Variants in ASPH observed in about 807,000 individuals in gnomAD.
The protein encoded by ASPH is aspartate beta-hydroxylase, also known as aspartyl/asparaginyl beta-hydroxylase.
In ASPH, 100 loss-of-function variants were observed where a neutral mutation model predicts 118.4. That is an observed-to-expected ratio of 0.84 (90% CI 0.72 to 1.00). ASPH has a LOEUF of 1.00. ASPH is among the 50% of genes least tolerant of loss of function. The pLI is 0.00. For synonymous variants in ASPH, 315 were observed against 325.6 expected, an observed-to-expected ratio of 0.97 and a Z score of 0.35; for missense variants, 920 against 919.5, an observed-to-expected ratio of 1.00 and a Z score of -0.01.
intron 3 of ASPH, chr8:61,665,636 T>C: frequency 1.3e-6 from 2 of 1,536,666 alleles, no homozygotes; most frequent in South Asian, 2.6e-5. Context: ...AAGGAAAAAA[T>C]GTTTATTGAC....
chr8:61,621,778 T>G (rs1851014647), intron 13 of ASPH, among the ~76,000 whole-genome samples: 1 of 152,274 alleles, frequency 6.6e-6, no homozygotes, highest in South Asian at 2.1e-4. Context: ...TATATCCCAG[T>G]AATGGGGAAT....
At chr8:61,547,065 A>G (rs1472405574) in intron 21 of ASPH, among the ~76,000 whole-genome samples, 1 of 152,224 alleles carries the variant, frequency 6.6e-6, no homozygotes, top group African/African-American at 2.4e-5. Context: ...AAGATACATG[A>G]AGTTTTTACA....
chr8:61,551,778 C>A lies in ASPH; in HGVS notation c.1626+1253G>T, dbSNP rs1192482491. ...ATGTTGTAGCAAAATCTTTCTTATCCCTCTCATTCAAAGGAGTTCTGAGTG... is the reference window on the plus strand; with the variant it reads ...ATGTTGTAGCAAAATCTTTCTTATCACTCTCATTCAAAGGAGTTCTGAGTG... On this transcript the variant is annotated intron_variant, in intron 20 of 24. Transcript: ENST00000379454. Among the ~76,000 whole-genome samples the A allele has an allele frequency of 2.0e-5, 3 of 152,218 alleles. No individual in the cohort carries two copies. In the South Asian group the frequency reaches 6.2e-4, roughly 32 times the overall value.
At chr8:61,625,062 T>C in intron 13 of ASPH, 1 of 985,838 alleles carries the variant, frequency 1.0e-6, no homozygotes. Context: ...ATCTTAATGT[T>C]AACAAAATCA....
At chr8:61,696,465 A>T (rs1432140151) in intron 1 of ASPH, among the ~76,000 whole-genome samples, 2 of 152,180 alleles carry the variant, frequency 1.3e-5, no homozygotes, top group Non-Finnish European at 2.9e-5. Context: ...AGAGAATGTG[A>T]ATCAAAATAT....
At chr8:61,665,415 G>C (rs1381729622) in intron 3 of ASPH, 2 of 1,609,966 alleles carry the variant, frequency 1.2e-6, no homozygotes, top group Non-Finnish European at 1.7e-6. Context: ...CTTTTTTCTA[G>C]GTCCACTTTC....
chr8:61,637,666 A>G (rs1361243755), intron 12 of ASPH, among the ~76,000 whole-genome samples: 2 of 152,128 alleles, frequency 1.3e-5, no homozygotes, highest in Non-Finnish European at 2.9e-5. Flanking sequence ...GCTGCTACTC[A>G]GGGTAGCCCT....
chr8:61,692,278 C>G (rs190940315), intron 1 of ASPH, among the ~76,000 whole-genome samples: 1 of 152,254 alleles, frequency 6.6e-6, no homozygotes, highest in East Asian at 1.9e-4. Flanking sequence ...ACAATAAATT[C>G]TGAATTCTGA....
intron 12 of ASPH, among the ~76,000 whole-genome samples, chr8:61,634,394 T>C (rs1049646509): frequency 5.5e-5 from 8 of 144,374 alleles, no homozygotes; most frequent in African/African-American, 1.8e-4. Context: ...TCCTTAAGAA[T>C]TGTTAACAAT....
chr8:61,552,909 T>C, intron 20 of ASPH, 122 bp downstream of exon 20: 3 of 786,234 alleles, frequency 3.8e-6, no homozygotes, highest in Admixed American at 2.2e-5. Flanking sequence ...CTAAATAGTT[T>C]ATATCACTGC....
At chr8:61,605,991 G>T (rs1845462174) in intron 14 of ASPH, among the ~76,000 whole-genome samples, 1 of 152,186 alleles carries the variant, frequency 6.6e-6, no homozygotes, top group South Asian at 2.1e-4. Context: ...AAGACAATCT[G>T]CCTCTGGCCT....
intron 4 of ASPH, chr8:61,651,471 A>G (rs1295984833): frequency 5.0e-6 from 1 of 201,460 alleles, no homozygotes; most frequent in African/African-American, 2.3e-5. Flanking sequence ...TAAAGTGGGA[A>G]GAACAAAGCT....
intron 19 of ASPH, among the ~76,000 whole-genome samples, chr8:61,555,274 T>TTTTA (rs998494541): frequency 3.3e-5 from 5 of 151,952 alleles, no homozygotes; most frequent in African/African-American, 9.6e-5. Flanking sequence ...TATATATATA[T>TTTTA]TTTATTTATT....
At chr8:61,513,653 T>A (rs988005807) in intron 24 of ASPH, among the ~76,000 whole-genome samples, 17 of 152,166 alleles carry the variant, frequency 1.1e-4, no homozygotes, top group African/African-American at 4.1e-4. Flanking sequence ...ATAATCACTG[T>A]GGATTTGCAA....
At chr8:61,524,511 A>C (rs955422021) in intron 22 of ASPH, among the ~76,000 whole-genome samples, 2 of 152,186 alleles carry the variant, frequency 1.3e-5, no homozygotes, top group African/African-American at 4.8e-5. Flanking sequence ...TGTAAGAAAG[A>C]GAAAGAAAGA....
chr8:61,713,259 G>A (rs1338220797), intron 1 of ASPH, among the ~76,000 whole-genome samples: 54 of 152,192 alleles, frequency 3.5e-4, no homozygotes, highest in Non-Finnish European at 2.9e-5. Context: ...CCTATTATGG[G>A]AAAGGAACAT....
intron 5 of ASPH, among the ~76,000 whole-genome samples, chr8:61,648,380 T>A (rs966905064): frequency 6.6e-6 from 1 of 152,212 alleles, no homozygotes; most frequent in Non-Finnish European, 1.5e-5. Flanking sequence ...GGCAGGCCTA[T>A]TTATGTTGAT....
chr8:61,597,675 T>A (rs1842853763), intron 14 of ASPH, among the ~76,000 whole-genome samples: 1 of 152,098 alleles, frequency 6.6e-6, no homozygotes, highest in African/African-American at 2.4e-5. Flanking sequence ...CCCATTAGAA[T>A]AACAGCATAT....
chr8:61,684,000 C>T (rs759992973), intron 2 of ASPH, 39 bp downstream of exon 2: 1 of 1,596,102 alleles, frequency 6.3e-7, no homozygotes, highest in Non-Finnish European at 8.6e-7. Context: ...ATGTCACTTA[C>T]TCTCTTACAA....
Sources: allele counts gnomAD v4.1 joint callset (sites outside exome capture counted in the v4.1 genomes callset), GRCh38; gene constraint gnomAD v4.1.1; transcripts MANE v1.5; gene names NCBI Gene and HGNC (gene_info 2026-07-23, HGNC 2026-07-21).